The following MED15 variants were observed in gnomAD, a reference collection of about 807,000 sequenced individuals.
MED15 encodes mediator complex subunit 15.
MED15 carries 41 observed loss-of-function variants against 118.7 expected under a neutral mutation model. The observed-to-expected ratio is 0.35, with a 90% CI of 0.27 to 0.45. MED15 has a LOEUF of 0.45. Among genes scored for constraint, MED15 ranks in the 20% least tolerant of loss-of-function variants. The probability of loss-of-function intolerance (pLI) is 1.00; values close to 1 mark genes in which losing one functional copy is unlikely to be tolerated. For synonymous variants in MED15, 436 were observed against 413.9 expected, an observed-to-expected ratio of 1.05 and a Z score of -0.65; for missense variants, 740 against 1,025.5, an observed-to-expected ratio of 0.72 and a Z score of 3.80.
intron 2 of MED15, among the ~76,000 whole-genome samples, chr22:20,544,304 TG>T (rs1216437584): frequency 6.6e-6 from 1 of 152,190 alleles, no homozygotes; most frequent in Admixed American, 6.5e-5. Context: ...ACCCTACTCC[TG>T]GTAACAAAAT....
At chr22:20,528,348 C>T (rs2054731711) in intron 1 of MED15, among the ~76,000 whole-genome samples, 1 of 152,224 alleles carries the variant, frequency 6.6e-6, no homozygotes, top group African/African-American at 2.4e-5. Context: ...AATTTTTCTA[C>T]AGACCGGCAG....
intron 9 of MED15, 179 bp from the exon 10 acceptor site, chr22:20,582,432 T>A: frequency 9.7e-7 from 1 of 1,031,124 alleles, no homozygotes; most frequent in Non-Finnish European, 1.4e-6. Flanking sequence ...GGTCACCTCA[T>A]GCTGTGTGCC....
At chr22:20,510,945 G>A (rs1411343794) in intron 1 of MED15, among the ~76,000 whole-genome samples, 1 of 152,184 alleles carries the variant, frequency 6.6e-6, no homozygotes, top group Non-Finnish European at 1.5e-5. Context: ...AGTTTCAGAG[G>A]TTGCCTTCCC....
intron 1 of MED15, among the ~76,000 whole-genome samples, chr22:20,512,572 CTG>C (rs2054107618): frequency 6.9e-6 from 1 of 144,390 alleles, no homozygotes; most frequent in African/African-American, 2.5e-5. Context: ...TTCTTGGGGG[CTG>C]TGTGAGTCAC....
At chr22:20,523,873 T>C in intron 1 of MED15, 1 of 980,934 alleles carries the variant, frequency 1.0e-6, no homozygotes, top group African/African-American at 1.7e-5. Context: ...CTTTCAATGA[T>C]CTTGTTTACT....
chr22:20,509,134 TGA>T (rs911005553), intron 1 of MED15, among the ~76,000 whole-genome samples: 5 of 151,960 alleles, frequency 3.3e-5, no homozygotes, highest in African/African-American at 1.2e-4. Flanking sequence ...TCTTGTAGGC[TGA>T]GAGTTCTGGG....
chr22:20,564,340 A>T (rs2056353492), intron 5 of MED15, 110 bp from the exon 6 acceptor site: 4 of 1,531,032 alleles, frequency 2.6e-6, no homozygotes, highest in Admixed American at 2.0e-5. Flanking sequence ...TTCCAGCGGC[A>T]GCCGTGGCAG....
chr22:20,570,494 C>A (rs143351279), intron 8 of MED15, among the ~76,000 whole-genome samples: 3,374 of 149,944 alleles, frequency 0.023, 68 homozygotes, highest in Non-Finnish European at 0.03. Flanking sequence ...TGGGTTCAGG[C>A]GATTCTTGTG....
chr22:20,573,059 C>T (rs1368720317), intron 8 of MED15, among the ~76,000 whole-genome samples: 2 of 151,828 alleles, frequency 1.3e-5, no homozygotes, highest in African/African-American at 4.8e-5. Context: ...GTCTCCACCT[C>T]CTGGGTTCAA....
intron 7 of MED15, among the ~76,000 whole-genome samples, chr22:20,567,234 T>C (rs763577209): frequency 2.6e-5 from 4 of 152,218 alleles, no homozygotes; most frequent in Non-Finnish European, 5.9e-5. Flanking sequence ...TTTTTTTCCT[T>C]TACACTCTGC....
intron 4 of MED15, 46 bp downstream of exon 4, chr22:20,553,220 T>C (rs779247423): frequency 6.3e-7 from 1 of 1,581,264 alleles, no homozygotes; most frequent in East Asian, 2.2e-5. Context: ...AACTTTGGAT[T>C]TGAGGTGGCA....
At chr22:20,533,129 G>C (rs1175987073) in intron 1 of MED15, among the ~76,000 whole-genome samples, 1 of 152,184 alleles carries the variant, frequency 6.6e-6, no homozygotes, top group Non-Finnish European at 1.5e-5. Flanking sequence ...GGAGCAGCCA[G>C]TGCTGTTCTG....
At chr22:20,566,078 T>TG (rs1432322643) in intron 6 of MED15, among the ~76,000 whole-genome samples, 1 of 150,170 alleles carries the variant, frequency 6.7e-6, no homozygotes, top group Non-Finnish European at 1.5e-5. Flanking sequence ...CTTACTCTGT[T>TG]GCCCAGGCTG....
rs376642456 is a variant in MED15 at position 20,568,505 on chromosome 22, C to G, written c.1042-16C>G. 1 of 1,612,326 alleles carries G rather than the reference C, an allele frequency of 6.2e-7. No homozygotes were observed. Among genetic ancestry groups the G allele is most frequent in the African/African-American group, 1.3e-5 (1 of 74,890 alleles). On this transcript the variant is annotated splice_polypyrimidine_tract_variant and intron_variant, in intron 7 of 17. Transcript: ENST00000263205. The stretch of plus-strand genomic sequence containing the variant: ...CCCAGGTGGTTCCAAATCACATTCT[C>G]TCTTTCTCCCTCAAGGTCCGAGCTC...
intron 2 of MED15, among the ~76,000 whole-genome samples, chr22:20,542,782 T>C (rs533791070): frequency 6.6e-6 from 1 of 152,356 alleles, no homozygotes; most frequent in African/African-American, 2.4e-5. Flanking sequence ...CTCAAAATCC[T>C]TGTGGAACTT....
At chr22:20,570,029 CTTTT>C (rs1013542676) in intron 8 of MED15, among the ~76,000 whole-genome samples, 12 of 152,250 alleles carry the variant, frequency 7.9e-5, no homozygotes, top group East Asian at 7.7e-4. Flanking sequence ...TTCCTGGAAA[CTTTT>C]TTTATTTTTT....
chr22:20,586,507 G>C, intron 17 of MED15, 61 bp from the exon 18 acceptor site: 3 of 1,584,048 alleles, frequency 1.9e-6, no homozygotes, highest in Non-Finnish European at 1.7e-6. Context: ...GCACTGCCGG[G>C]TGTGCCAGGA....
intron 1 of MED15, among the ~76,000 whole-genome samples, chr22:20,525,003 T>C (rs951793633): frequency 2.6e-5 from 4 of 152,074 alleles, no homozygotes; most frequent in Non-Finnish European, 4.4e-5. Context: ...CAGGAAGGTT[T>C]AGATAGGTGA....
chr22:20,525,501 C>T lies in MED15; in HGVS notation c.69-11616C>T, dbSNP rs1386885079. 4.0e-5 allele frequency among the ~76,000 whole-genome samples: 6 copies of T among 150,848 alleles called. No individual in the cohort carries two copies. In the East Asian group the frequency reaches 7.8e-4, roughly 20 times the overall value. ...AAGTTTTGGGATTACAGACATGAGC[C>T]ATTGAGCCTGGCCAAACATGACCTT... On this transcript the variant is annotated intron_variant, in intron 1 of 17. Coordinates refer to ENST00000263205, the MANE Select transcript of MED15 (RefSeq NM_001003891.3).
Sources: allele counts gnomAD v4.1 joint callset (sites outside exome capture counted in the v4.1 genomes callset), GRCh38; gene constraint gnomAD v4.1.1; transcripts MANE v1.5; gene names NCBI Gene and HGNC (gene_info 2026-07-23, HGNC 2026-07-21).